RFX6: variants seen among roughly 807,000 people sequenced by gnomAD.
RFX6 encodes the protein DNA-binding protein RFX6.
RFX6 carries 50 observed loss-of-function variants against 110.8 expected under a neutral mutation model. The ratio of observed to expected loss-of-function variants is 0.45; its 90% CI spans 0.36 to 0.57. The LOEUF (loss-of-function observed/expected upper bound fraction) is 0.57. Ranked by LOEUF, RFX6 falls within the 20% of genes least tolerant of loss-of-function variation. The pLI, the probability that RFX6 is intolerant of heterozygous loss-of-function variation, is 0.00. For synonymous variants in RFX6, 383 were observed against 411.2 expected (o/e 0.93, Z 0.83); for missense variants, 990 against 1,127.0 (o/e 0.88, Z 1.74).
At chr6:116,883,220 ATGGC>A (rs2114662961) in intron 4 of RFX6, among the ~76,000 whole-genome samples, 1 of 152,196 alleles carries the variant, frequency 6.6e-6, no homozygotes, top group African/African-American at 2.4e-5. Flanking sequence ...CAAAAATCCA[ATGGC>A]TGGTTTTTAC....
At chr6:116,925,265 T>C (rs1393895742) in intron 15 of RFX6, among the ~76,000 whole-genome samples, 188 bp from the exon 16 acceptor site, 2 of 151,996 alleles carry the variant, frequency 1.3e-5, no homozygotes, top group African/African-American at 4.8e-5. Context: ...AATATGCAGC[T>C]AAAAAAAACC....
Position 116,894,049 on chromosome 6 carries a change from G to T in RFX6, c.629G>T (p.Gly210Val). The T allele has an allele frequency of 6.3e-7, 1 of 1,587,414 alleles. No individual in the cohort carries two copies. Among genetic ancestry groups the T allele is most frequent in the Non-Finnish European group, 8.7e-7 (1 of 1,155,858 alleles). The stretch of plus-strand genomic sequence containing the variant: ...GCATATTACCACTCCGTTTATTCTG[G>T]AAAGGGCTTGACAAGGTAGAGTTAC... ...SSAYYHSVYS[G>V]KGLTRFSGSK... The change falls in exon 5 of 19, where the codon GGA (glycine) becomes GTA (valine). Residue 210 changes from glycine to valine, a missense_variant. Physicochemically the swap from Gly to Val is moderately radical, Grantham distance 109. This residue lies in a region of RFX6 where 243 missense variants were observed against 353.1 expected (regional missense o/e 0.69). Transcript: ENST00000332958.
In RFX6 at chr6:116,877,885, T is replaced by G. The variant is rs1173080193; in HGVS notation, c.313T>G (p.Ser105Ala). 4.3e-6 allele frequency: 7 copies of G among 1,613,976 alleles called. No homozygotes were observed. The highest frequency in any genetic ancestry group is 5.1e-6 in the Non-Finnish European group (6 of 1,180,008). Residue 105 changes from serine to alanine, a missense_variant, in exon 2 of 19, where the codon TCT becomes GCT. Physicochemically the swap from Ser to Ala is moderately conservative, Grantham distance 99. This residue lies in a region of RFX6 where 175 missense variants were observed against 162.3 expected (regional missense o/e 1.08). Transcript: ENST00000332958. ...AACCAAAGCAGCGGATCAATACCTG[T>G]CTCAGAAGAAAACCATCACGCAGAT... The part of the protein sequence containing the change: ...SKTKAADQYL[S>A]QKKTITQIVK...
At chr6:116,895,298 A>G in intron 6 of RFX6, 91 bp downstream of exon 6, 1 of 738,560 alleles carries the variant, frequency 1.4e-6, no homozygotes. Flanking sequence ...TGGCAAATGT[A>G]GAAATAAATG....
intron 3 of RFX6, among the ~76,000 whole-genome samples, chr6:116,880,874 A>T (rs1373821612): frequency 6.6e-6 from 1 of 152,098 alleles, no homozygotes. Flanking sequence ...TAGAAGATCT[A>T]ATGTGAATTT....
chr6:116,931,619 A>G lies in RFX6; in HGVS notation c.*113A>G. ...AATAAAAATGAATATGCAGTGGCTG[A>G]CATTGTTTTAAAGTCACTGGTACTA... On this transcript the variant is annotated 3_prime_UTR_variant, in exon 19 of 19. Coordinates refer to ENST00000332958, the MANE Select transcript of RFX6 (RefSeq NM_173560.4). The G allele has an allele frequency of 1.2e-6, 1 of 805,348 alleles. No homozygotes were observed. The highest frequency in any genetic ancestry group is 2.0e-6 in the Non-Finnish European group (1 of 499,600). The allele number at this position is 805,348 out of a possible 1,614,324, so 49.9% of individuals were successfully genotyped here.
At chr6:116,878,592 A>G (rs1489051682) in intron 2 of RFX6, among the ~76,000 whole-genome samples, 2 of 152,020 alleles carry the variant, frequency 1.3e-5, no homozygotes, top group African/African-American at 4.8e-5. Context: ...CATAGAGTGA[A>G]CATTTTGTAA....
intron 1 of RFX6, 148 bp from the exon 2 acceptor site, chr6:116,877,648 T>C: frequency 9.5e-7 from 1 of 1,050,470 alleles, no homozygotes; most frequent in Non-Finnish European, 1.4e-6. Context: ...AAATGTCAAG[T>C]AGAGACCTGA....
chr6:116,921,655 A>ATT (rs200362577), intron 12 of RFX6, among the ~76,000 whole-genome samples: 2 of 145,462 alleles, frequency 1.4e-5, no homozygotes, highest in Non-Finnish European at 3.0e-5. Flanking sequence ...TTGCTCTATA[A>ATT]TTTTTTTTTT....
chr6:116,921,085 G>A (rs935196560), intron 12 of RFX6, among the ~76,000 whole-genome samples: 11 of 152,092 alleles, frequency 7.2e-5, no homozygotes, highest in East Asian at 3.9e-4. Flanking sequence ...AGGGATAACA[G>A]CCACTATTTT....
At chr6:116,899,915 T>C (rs1259743237) in intron 6 of RFX6, among the ~76,000 whole-genome samples, 1 of 151,988 alleles carries the variant, frequency 6.6e-6, no homozygotes, top group Admixed American at 6.6e-5. Context: ...AACATGACAA[T>C]AAAATTATAT....
At chr6:116,889,023 G>A (rs1774760815) in intron 4 of RFX6, among the ~76,000 whole-genome samples, 1 of 152,114 alleles carries the variant, frequency 6.6e-6, no homozygotes, top group Non-Finnish European at 1.5e-5. Context: ...AAAGGGGAAA[G>A]GTTATTTTGT....
chr6:116,877,762 A>G (rs374497528), intron 1 of RFX6, 34 bp from the exon 2 acceptor site: 1 of 1,607,140 alleles, frequency 6.2e-7, no homozygotes, highest in African/African-American at 1.4e-5. Context: ...TTTATATTCT[A>G]TTTTTCTTTA....
At chr6:116,886,483 A>G (rs972460428) in intron 4 of RFX6, among the ~76,000 whole-genome samples, 12 of 152,240 alleles carry the variant, frequency 7.9e-5, no homozygotes, top group Non-Finnish European at 1.8e-4. Context: ...TGGTCCCTAT[A>G]TAAAACCCAA....
rs566598218 is a variant in RFX6, at chr6:116,924,542, A to G, written c.1556-127A>G. The G allele has an allele frequency of 3.5e-6, 3 of 847,122 alleles. No homozygotes were observed. In the East Asian group the frequency reaches 7.5e-5, roughly 21 times the overall value. 52.5% of individuals were successfully genotyped at this position (847,122 alleles called of 1,614,324 possible). On this transcript the variant is annotated intron_variant, in intron 14 of 18. Coordinates refer to ENST00000332958, the MANE Select transcript of RFX6 (RefSeq NM_173560.4). ...AGTCCAACAAGTATTTGTTTATTTC[A>G]GTTGCTCCTTGTAAAGTGTTGCGAG...
At chr6:116,917,762 A>G (rs1775499402) in intron 9 of RFX6, among the ~76,000 whole-genome samples, 2 of 152,116 alleles carry the variant, frequency 1.3e-5, no homozygotes, top group Non-Finnish European at 2.9e-5. Context: ...TCAGCTTTTC[A>G]TCATAAAACG....
chr6:116,916,369 C>A, intron 9 of RFX6, 55 bp downstream of exon 9: 1 of 989,362 alleles, frequency 1.0e-6, no homozygotes, highest in Non-Finnish European at 1.6e-6. Flanking sequence ...ACGTAGCATT[C>A]TATCTAAATT....
chr6:116,927,137 C>T lies in RFX6; in HGVS notation c.1996C>T (p.Pro666Ser). Reference protein sequence around the residue: ...INQGPMAGRPPSVGPVLSAPS... With the variant: ...INQGPMAGRPSSVGPVLSAPS... ...CCAAGGACCAATGGCAGGGAGGCCCCCAAGTGTGGGCCCAGTACTGTCAGC... is the reference window on the plus strand; with the variant it reads ...CCAAGGACCAATGGCAGGGAGGCCCTCAAGTGTGGGCCCAGTACTGTCAGC... Residue 666 changes from proline to serine, a missense_variant, in exon 17 of 19, where the codon CCA becomes TCA. Around this residue, in one of 5 missense-constraint regions of RFX6, gnomAD observed 438 missense variants for 441.9 expected, o/e 0.99. Coordinates refer to ENST00000332958, the MANE Select transcript of RFX6 (RefSeq NM_173560.4). 2 of 1,614,026 alleles carry T rather than the reference C, an allele frequency of 1.2e-6. No individual in the cohort carries two copies. Among genetic ancestry groups the T allele is most frequent in the Non-Finnish European group, 1.7e-6 (2 of 1,179,932 alleles).
chr6:116,924,618 C>T (rs769736409), intron 14 of RFX6, 51 bp from the exon 15 acceptor site: 2 of 1,546,092 alleles, frequency 1.3e-6, no homozygotes, highest in Admixed American at 3.3e-5. Flanking sequence ...TCTTTCTCTC[C>T]CCTTTTTACA....
Sources: allele counts gnomAD v4.1 joint callset (sites outside exome capture counted in the v4.1 genomes callset), GRCh38; gene constraint gnomAD v4.1.1; regional missense constraint gnomAD v4.1.1; transcripts MANE v1.5; gene names NCBI Gene and HGNC (gene_info 2026-07-23, HGNC 2026-07-21).